HADHB: variants seen among roughly 807,000 people sequenced by gnomAD.
The protein encoded by HADHB is trifunctional enzyme subunit beta, mitochondrial.
A neutral mutation model predicts 61.9 loss-of-function variants in HADHB; 50 were observed. The observed-to-expected ratio is 0.81, with a 90% CI of 0.64 to 1.02. The LOEUF is 1.02. Ranked by LOEUF, HADHB falls within the 50% of genes least tolerant of loss-of-function variation. HADHB has a pLI of 0.00. For missense variants in HADHB, 504 were observed against 586.5 expected (o/e 0.86, Z 1.45); for synonymous variants, 191 against 201.6 (o/e 0.95, Z 0.45).
intron 10 of HADHB, 141 bp downstream of exon 10, chr2:26,280,256 C>A: frequency 9.6e-6 from 7 of 729,870 alleles, no homozygotes; most frequent in African/African-American, 5.4e-5. Flanking sequence ...AAAGTGGAGT[C>A]ATTAAAAAAA....
chr2:26,272,541 GT>G (rs1672387444), intron 5 of HADHB, among the ~76,000 whole-genome samples: 1 of 151,610 alleles, frequency 6.6e-6, no homozygotes, highest in African/African-American at 2.4e-5. Flanking sequence ...TAGAGACGGG[GT>G]TTTGCTGTGT....
rs1325015802 is a variant in HADHB, at chr2:26,286,547, G to A, written c.1389+976G>A. On this transcript the variant is annotated intron_variant, in intron 15 of 15. Transcript: ENST00000317799. Reference sequence around the variant, plus strand: ...AGACAGAGTCTCACTCTGTCCCCCAGGCTGGAGTGCAGTGGTGCCACCTCG... The same window carrying A: ...AGACAGAGTCTCACTCTGTCCCCCAAGCTGGAGTGCAGTGGTGCCACCTCG... Among the ~76,000 whole-genome samples the A allele has an allele frequency of 4.6e-5, 7 of 152,208 alleles. No individual in the cohort carries two copies. In the East Asian group the frequency reaches 1.4e-3, roughly 29 times the overall value.
intron 5 of HADHB, among the ~76,000 whole-genome samples, chr2:26,271,355 A>G (rs1672340808): frequency 6.6e-6 from 1 of 151,984 alleles, no homozygotes; most frequent in Admixed American, 6.5e-5. Context: ...TAAAAATACA[A>G]AATTAGCTGG....
chr2:26,263,329 G>T, intron 3 of HADHB, 51 bp from the exon 4 acceptor site: 3 of 1,095,738 alleles, frequency 2.7e-6, no homozygotes, highest in East Asian at 2.5e-5. Context: ...AAAGTCATCA[G>T]ACTTTATATA....
At chr2:26,272,034 C>T (rs955566637) in intron 5 of HADHB, among the ~76,000 whole-genome samples, 9 of 152,072 alleles carry the variant, frequency 5.9e-5, no homozygotes, top group East Asian at 3.9e-4. Flanking sequence ...GGACTATAGG[C>T]GTAAGCCAAT....
chr2:26,275,502 TGA>T (rs1421877285), intron 6 of HADHB, among the ~76,000 whole-genome samples: 1 of 152,226 alleles, frequency 6.6e-6, no homozygotes, highest in Non-Finnish European at 1.5e-5. Context: ...CCTTCCGTCC[TGA>T]GAGTCATCTA....
chr2:26,285,667 T>G, intron 15 of HADHB, 96 bp downstream of exon 15: 1 of 971,728 alleles, frequency 1.0e-6, no homozygotes, highest in Non-Finnish European at 1.6e-6. Flanking sequence ...AAAGCAATAT[T>G]TTTGATGACC....
At chr2:26,281,285 CAG>C (rs1258337807) in intron 10 of HADHB, among the ~76,000 whole-genome samples, 2 of 152,144 alleles carry the variant, frequency 1.3e-5, no homozygotes, top group African/African-American at 4.8e-5. Flanking sequence ...GCCATCTGGT[CAG>C]AGTTTCTCTT....
chr2:26,277,047 C>G, intron 6 of HADHB, 26 bp from the exon 7 acceptor site: 1 of 1,126,472 alleles, frequency 8.9e-7, no homozygotes. Context: ...TTATAGTGAT[C>G]ATTTCATTCA....
At chr2:26,264,089 G>A (rs1671970279) in intron 4 of HADHB, among the ~76,000 whole-genome samples, 1 of 152,094 alleles carries the variant, frequency 6.6e-6, no homozygotes, top group Admixed American at 6.6e-5. Context: ...GGTTTAAACT[G>A]TTCATTCTAT....
Position 26,280,853 on chromosome 2 carries a change from C to CA in HADHB, c.933+766dup, listed in dbSNP as rs10560210. 2.3e-3 allele frequency among the ~76,000 whole-genome samples: 111 copies of CA among 49,162 alleles called. 3 individuals are homozygous for CA. The highest frequency in any genetic ancestry group is 0.017 in the Middle Eastern group (1 of 58). The allele number at this position is 49,162 out of a possible 152,430, so 32.3% of individuals were successfully genotyped here. A position where few individuals can be genotyped will look rare whatever the true frequency, so the allele number is the denominator to read the frequency against. On this transcript the variant is annotated intron_variant, in intron 10 of 15. Transcript: ENST00000317799. Reference sequence around the variant, plus strand: ...CTGCACAAGAGCGAAACTCCCATCTCAAAAAAAAAAAAAAAAAAAAAAAAA... The same window carrying CA: ...CTGCACAAGAGCGAAACTCCCATCTCAAAAAAAAAAAAAAAAAAAAAAAAAA...
At chr2:26,246,471 C>T (rs948303140) in intron 1 of HADHB, among the ~76,000 whole-genome samples, 3 of 151,782 alleles carry the variant, frequency 2.0e-5, no homozygotes, top group African/African-American at 4.8e-5. Flanking sequence ...TCCCGAGTAG[C>T]TGGGATTACA....
intron 15 of HADHB, among the ~76,000 whole-genome samples, chr2:26,288,840 C>A: frequency 6.6e-6 from 1 of 152,252 alleles, no homozygotes; most frequent in Admixed American, 6.5e-5. Context: ...ATAATAGTTT[C>A]TTTTATTTAC....
chr2:26,273,763 A>ACATAAAGTTTGTTTT lies in HADHB; in HGVS notation c.354+13_354+14insCATAAAGTTTGTTTT. 1.5e-6 allele frequency: 2 copies of ACATAAAGTTTGTTTT among 1,296,506 alleles called. No individual in the cohort carries two copies. Among genetic ancestry groups the ACATAAAGTTTGTTTT allele is most frequent in the Non-Finnish European group, 2.2e-6 (2 of 889,862 alleles). 80.3% of individuals were successfully genotyped at this position (1,296,506 alleles called of 1,614,324 possible). On this transcript the variant is annotated intron_variant, in intron 6 of 15. Transcript: ENST00000317799. ...TGTGGCTAGAGAGGTGAGTAAAACAAACTTTATGTTGTTTAAAGAGTGATA... is the reference window on the plus strand; with the variant it reads ...TGTGGCTAGAGAGGTGAGTAAAACAACATAAAGTTTGTTTTACTTTATGTTGTTTAAAGAGTGATA...
Position 26,282,853 on chromosome 2 carries a change from T to A in HADHB, c.942T>A (p.Gly314=). 6.2e-7 allele frequency: 1 copy of A among 1,610,778 alleles called. No homozygotes were observed. The highest frequency in any genetic ancestry group is 8.5e-7 in the Non-Finnish European group (1 of 1,177,510). The change falls in exon 11 of 16, where the codon GGT becomes GGA. Residue 314 remains glycine (G), a synonymous_variant. Transcript: ENST00000317799. ...TAANSSFLTD[G]ASAMLIMAEE... is the part of the protein sequence containing the mutation. ...GCTGGTTAACATTTCAGACTGATGGTGCATCTGCAATGTTAATCATGGCGG... is the reference window on the plus strand; with the variant it reads ...GCTGGTTAACATTTCAGACTGATGGAGCATCTGCAATGTTAATCATGGCGG...
chr2:26,278,687 T>C lies in HADHB; in HGVS notation c.516T>C (p.Pro172=). 6.2e-7 allele frequency: 1 copy of C among 1,614,066 alleles called. No individual in the cohort carries two copies. Among genetic ancestry groups the C allele is most frequent in the Non-Finnish European group, 8.5e-7 (1 of 1,179,888 alleles). ...GTGTTGAGTTGATGTCCGATGTCCCTATTCGTCACTCAAGGAAAATGAGAA... is the reference window on the plus strand; with the variant it reads ...GTGTTGAGTTGATGTCCGATGTCCCCATTCGTCACTCAAGGAAAATGAGAA... ...AGGVELMSDV[P]IRHSRKMRKL... is the part of the protein sequence containing the mutation. Residue 172 remains proline (P), a synonymous_variant, in exon 8 of 16, where the codon CCT becomes CCC. Coordinates refer to ENST00000317799, the MANE Select transcript of HADHB (RefSeq NM_000183.3).
At chr2:26,271,235 C>T (rs1229227645) in intron 5 of HADHB, among the ~76,000 whole-genome samples, 5 of 150,880 alleles carry the variant, frequency 3.3e-5, no homozygotes, top group Non-Finnish European at 7.4e-5. Context: ...GGGCCAAGCA[C>T]GGTGGCTCAC....
chr2:26,266,276 C>T (rs1198539482), intron 4 of HADHB, among the ~76,000 whole-genome samples: 1 of 150,442 alleles, frequency 6.6e-6, no homozygotes, highest in Non-Finnish European at 1.5e-5. Context: ...GACCTTGTCT[C>T]TTAAAAAAAA....
intron 3 of HADHB, among the ~76,000 whole-genome samples, chr2:26,259,434 A>G (rs775419357): frequency 6.6e-6 from 1 of 152,204 alleles, no homozygotes; most frequent in Non-Finnish European, 1.5e-5. Flanking sequence ...AACGTCTTGC[A>G]TGGATGATCA....
Sources: gnomAD v4.1 joint callset for allele counts (sites outside exome capture counted in the v4.1 genomes callset) on GRCh38, gnomAD v4.1.1 for gene constraint, MANE v1.5 for transcripts, NCBI Gene and HGNC (gene_info 2026-07-23, HGNC 2026-07-21) for gene names.